The following DMD variants were observed in gnomAD, a reference collection of about 807,000 sequenced individuals.
DMD encodes the protein dystrophin.
DMD carries 63 observed loss-of-function variants against 330.1 expected under a neutral mutation model. That is an observed-to-expected ratio of 0.19 (90% CI 0.16 to 0.24). The LOEUF (loss-of-function observed/expected upper bound fraction) is 0.24, where lower values mean the gene tolerates loss of function less well. Ranked by LOEUF, DMD falls within the 10% of genes least tolerant of loss-of-function variation. The probability of loss-of-function intolerance (pLI) is 1.00; values close to 1 mark genes in which losing one functional copy is unlikely to be tolerated. For synonymous variants in DMD, 1,223 were observed against 959.8 expected (o/e 1.27, Z -5.07); for missense variants, 3,344 against 2,684.1 (o/e 1.25, Z -5.43).
In DMD at chrX:32,429,387, G is replaced by GTTTTTTTTTTTTTTTTTTT; in HGVS notation, c.4071+8835_4071+8853dup. ...ACCAAGCCTGGATACTTTTTTTTGG[G>GTTTTTTTTTTTTTTTTTTT]TTTTTTTTTTTTTTTTTTTTTTTTG... On this transcript the variant is annotated intron_variant, in intron 29 of 78. Coordinates refer to ENST00000357033, the MANE Select transcript of DMD (RefSeq NM_004006.3). 1.3e-3 allele frequency among the ~76,000 whole-genome samples: 59 copies of GTTTTTTTTTTTTTTTTTTT among 44,200 alleles called. 3 individuals carry two copies. Among genetic ancestry groups the GTTTTTTTTTTTTTTTTTTT allele is most frequent in the Non-Finnish European group, 1.6e-3 (44 of 28,287 alleles). 38.4% of individuals were successfully genotyped at this position (44,200 alleles called of 115,157 possible).
intron 7 of DMD, among the ~76,000 whole-genome samples, chrX:32,786,914 C>A (rs2075402278): frequency 9.0e-6 from 1 of 110,642 alleles, no homozygotes; most frequent in African/African-American, 3.3e-5. Flanking sequence ...AAGCAATGTG[C>A]CCAGCACTTA....
intron 41 of DMD, among the ~76,000 whole-genome samples, chrX:32,341,705 T>A (rs2097743908): frequency 8.9e-6 from 1 of 111,797 alleles, no homozygotes; most frequent in South Asian, 3.7e-4. Flanking sequence ...ATTTATCATG[T>A]ATACATTAAG....
rs754421993 is a variant in DMD, at chrX:32,329,679, G to A, written c.5922+12421C>T. 2.7e-5 allele frequency among the ~76,000 whole-genome samples: 3 copies of A among 112,373 alleles called. No homozygotes were observed. The Admixed American group carries it at 2.8e-4, about 11-fold the overall frequency. ...GAGCTTTATACGGGTCACAGATGGA[G>A]TTATATGTTATAGATAACTGTATTT... On this transcript the variant is annotated intron_variant, in intron 41 of 78. Transcript: ENST00000357033.
chrX:32,101,349 A>G (rs762715118), intron 44 of DMD, among the ~76,000 whole-genome samples: 42 of 111,128 alleles, frequency 3.8e-4, no homozygotes, highest in Non-Finnish European at 7.2e-4. Flanking sequence ...CTCCAGCTCA[A>G]TTTAGGATTA....
chrX:31,125,189 A>C lies in DMD; in HGVS notation c.11046+1453T>G, dbSNP rs774829686. ...TTTCTACAAAAAGTTAAAATGAATA[A>C]ATTTTAAGGGGCACTTACCATAAGA... is the stretch of plus-strand genomic sequence containing the variant. On this transcript the variant is annotated intron_variant, in intron 78 of 78. Transcript: ENST00000357033. Among the ~76,000 whole-genome samples, 4 of 111,854 alleles carry C rather than the reference A, an allele frequency of 3.6e-5. No individual in the cohort carries two copies. The East Asian group carries it at 1.1e-3, about 31-fold the overall frequency.
At chrX:31,994,878 TA>T (rs1303808315) in intron 44 of DMD, among the ~76,000 whole-genome samples, 1 of 112,381 alleles carries the variant, frequency 8.9e-6, no homozygotes. Flanking sequence ...GGAACTGCGC[TA>T]ACAGGTTTAA....
At chrX:32,031,088 C>G (rs1461394545) in intron 44 of DMD, among the ~76,000 whole-genome samples, 1 of 110,733 alleles carries the variant, frequency 9.0e-6, no homozygotes, top group African/African-American at 3.3e-5. Flanking sequence ...CAAAGGGATT[C>G]TACTGGTTCA....
chrX:31,932,748 A>ATACATACATACATACGTACG (rs1177508019), intron 45 of DMD, among the ~76,000 whole-genome samples: 1 of 110,752 alleles, frequency 9.0e-6, no homozygotes, highest in African/African-American at 3.3e-5. Context: ...TCCATCTCAA[A>ATACATACATACATACGTACG]TACATACATA....
chrX:32,805,972 C>G (rs2076916816), intron 7 of DMD, among the ~76,000 whole-genome samples: 1 of 112,034 alleles, frequency 8.9e-6, no homozygotes. Context: ...CCAGCCACTG[C>G]AGAAGCATAC....
intron 59 of DMD, among the ~76,000 whole-genome samples, chrX:31,456,732 A>G (rs1056489073): frequency 9.1e-6 from 1 of 110,392 alleles, no homozygotes; most frequent in Non-Finnish European, 1.9e-5. Flanking sequence ...TAGAATGAAG[A>G]TGTCCACAAA....
intron 1 of DMD, among the ~76,000 whole-genome samples, chrX:33,029,461 T>C (rs1477611992): frequency 8.9e-6 from 1 of 112,051 alleles, no homozygotes; most frequent in Admixed American, 9.5e-5. Context: ...TCTGTTCCTT[T>C]GCCTCCACTG....
At chrX:31,359,014 T>C (rs906177075) in intron 60 of DMD, among the ~76,000 whole-genome samples, 3 of 112,188 alleles carry the variant, frequency 2.7e-5, no homozygotes. Flanking sequence ...CTGTGAGTAT[T>C]TGCATTTTAA....
At chrX:32,344,656 A>G (rs1194888504) in intron 39 of DMD, among the ~76,000 whole-genome samples, 1 of 111,451 alleles carries the variant, frequency 9.0e-6, no homozygotes, top group Non-Finnish European at 1.9e-5. Flanking sequence ...GTGGTCATCA[A>G]TCTGAAACAT....
At chrX:33,117,107 T>C (rs1176237952) in intron 1 of DMD, among the ~76,000 whole-genome samples, 2 of 110,732 alleles carry the variant, frequency 1.8e-5, no homozygotes, top group Non-Finnish European at 3.8e-5. Context: ...ACAATACATA[T>C]ATACAATTTT....
intron 44 of DMD, among the ~76,000 whole-genome samples, chrX:32,010,189 C>A (rs899024991): frequency 9.0e-6 from 1 of 111,397 alleles, no homozygotes; most frequent in East Asian, 2.8e-4. Flanking sequence ...GAATGTTGTG[C>A]GCATTCAGTA....
intron 9 of DMD, among the ~76,000 whole-genome samples, chrX:32,648,683 T>C (rs2059932786): frequency 8.9e-6 from 1 of 112,222 alleles, no homozygotes; most frequent in Admixed American, 9.5e-5. Flanking sequence ...AATTCTACAT[T>C]TGTATATTTT....
intron 13 of DMD, among the ~76,000 whole-genome samples, chrX:32,592,963 C>T (rs139608007): frequency 0.011 from 1,207 of 113,015 alleles, 15 homozygotes; most frequent in African/African-American, 0.036. Context: ...AGCTGCCTTC[C>T]GCTGCAGCTG....
intron 2 of DMD, among the ~76,000 whole-genome samples, chrX:32,889,888 A>G (rs1046620780): frequency 2.1e-4 from 23 of 111,495 alleles, no homozygotes; most frequent in African/African-American, 6.5e-4. Flanking sequence ...GAGGGGCGTG[A>G]CAATCAGGTC....
At chrX:31,368,589 G>A (rs145561414) in intron 60 of DMD, among the ~76,000 whole-genome samples, 29 of 111,074 alleles carry the variant, frequency 2.6e-4, no homozygotes, top group Middle Eastern at 4.7e-3. Context: ...TTTCTTTGTC[G>A]CTTCATTCTT....
Sources: allele counts gnomAD v4.1 joint callset (sites outside exome capture counted in the v4.1 genomes callset), GRCh38; gene constraint gnomAD v4.1.1; transcripts MANE v1.5; gene names NCBI Gene and HGNC (gene_info 2026-07-23, HGNC 2026-07-21).